Variants in ABCC12 observed in about 807,000 individuals in gnomAD.
The protein encoded by ABCC12 is ATP binding cassette subfamily C member 12, also known as ATP-binding cassette sub-family C member 12.
Under a neutral mutation model 151.1 loss-of-function variants are expected in ABCC12, and 142 were observed. That is an observed-to-expected ratio of 0.94 (90% CI 0.82 to 1.08). ABCC12 has a LOEUF of 1.08. Ranked by LOEUF, ABCC12 falls within the 50% of genes least tolerant of loss-of-function variation. The pLI is 0.00. For synonymous variants in ABCC12, 645 were observed against 646.4 expected (o/e 1.00, Z 0.03); for missense variants, 1,638 against 1,691.1 (o/e 0.97, Z 0.55).
intron 23 of ABCC12, among the ~76,000 whole-genome samples, chr16:48,099,703 C>G (rs1168614805): frequency 6.6e-6 from 1 of 152,174 alleles, no homozygotes; most frequent in South Asian, 2.1e-4. Context: ...CCATAAAATC[C>G]CCCTGGGTCC....
chr16:48,111,584 T>C lies in ABCC12; in HGVS notation c.2203A>G (p.Ile735Val). ...SPAEREEDAG[I>V]IVLAPGNEKD... ...ACAGGGATGGGATTCTAACCGATTA[T>C]ACCAGCATCTTCCTCTCTCTCAGCA... Residue 735 changes from isoleucine (I) to valine (V), a missense_variant, in exon 17 of 31, where the codon ATA becomes GTA. Physicochemically the swap from Ile to Val is conservative, Grantham distance 29. Coordinates refer to ENST00000311303, the MANE Select transcript of ABCC12 (RefSeq NM_001393797.1). 6.2e-7 allele frequency: 1 copy of C among 1,614,214 alleles called. No individual in the cohort carries two copies. The highest frequency in any genetic ancestry group is 8.5e-7 in the Non-Finnish European group (1 of 1,180,036).
chr16:48,101,193 G>A (rs953014464), intron 22 of ABCC12, among the ~76,000 whole-genome samples, 184 bp from the exon 23 acceptor site: 2 of 152,204 alleles, frequency 1.3e-5, no homozygotes, highest in Non-Finnish European at 1.5e-5. Context: ...TGGGAATGGC[G>A]GAGGCGTGAG....
chr16:48,139,094 C>A, intron 7 of ABCC12, 69 bp downstream of exon 7: 1 of 1,487,508 alleles, frequency 6.7e-7, no homozygotes, highest in South Asian at 1.4e-5. Flanking sequence ...TGCAGCCTTC[C>A]ACCCAATTCA....
At chr16:48,125,461 A>C (rs1203357562) in intron 11 of ABCC12, among the ~76,000 whole-genome samples, 1 of 152,224 alleles carries the variant, frequency 6.6e-6, no homozygotes, top group African/African-American at 2.4e-5. Flanking sequence ...AAACACTTAG[A>C]GGTCCAGGGC....
At chr16:48,113,707 C>CA (rs1452415404) in intron 15 of ABCC12, among the ~76,000 whole-genome samples, 1 of 152,138 alleles carries the variant, frequency 6.6e-6, no homozygotes, top group African/African-American at 2.4e-5. Context: ...TTCCAACTTG[C>CA]AAAAAGTTGG....
chr16:48,154,708 A>AT (rs1965161120), intron 1 of ABCC12, among the ~76,000 whole-genome samples: 1 of 152,188 alleles, frequency 6.6e-6, no homozygotes, highest in East Asian at 1.9e-4. Context: ...TTGCTCTGTT[A>AT]TATTTCATTT....
chr16:48,100,020 C>T (rs1209290951), intron 23 of ABCC12, among the ~76,000 whole-genome samples: 1 of 150,710 alleles, frequency 6.6e-6, no homozygotes, highest in Non-Finnish European at 1.5e-5. Context: ...AGAGCAGTAG[C>T]ACAATCTCAG....
intron 2 of ABCC12, among the ~76,000 whole-genome samples, chr16:48,152,236 A>G (rs374342804): frequency 1.3e-5 from 2 of 152,216 alleles, no homozygotes; most frequent in South Asian, 2.1e-4. Context: ...GAGGGAGGCT[A>G]TCCACTGCAG....
At chr16:48,147,591 T>C (rs564112422) in intron 2 of ABCC12, among the ~76,000 whole-genome samples, 2 of 152,190 alleles carry the variant, frequency 1.3e-5, no homozygotes, top group African/African-American at 2.4e-5. Flanking sequence ...TTTCTCATTA[T>C]ACAGAAGAGG....
intron 9 of ABCC12, among the ~76,000 whole-genome samples, chr16:48,132,137 T>G (rs1964447418): frequency 6.6e-6 from 1 of 152,226 alleles, no homozygotes; most frequent in Non-Finnish European, 1.5e-5. Context: ...TTGATTTGCT[T>G]GATATGTTGC....
intron 13 of ABCC12, among the ~76,000 whole-genome samples, chr16:48,118,057 C>A (rs1963948481): frequency 6.6e-6 from 1 of 152,164 alleles, no homozygotes; most frequent in South Asian, 2.1e-4. Flanking sequence ...GGGAGTTTGA[C>A]AGCCGAGGCC....
chr16:48,107,200 A>G, intron 20 of ABCC12, 122 bp downstream of exon 20: 2 of 924,322 alleles, frequency 2.2e-6, no homozygotes, highest in Non-Finnish European at 3.5e-6. Context: ...CCACTTCTTG[A>G]AAAGGGCAGA....
intron 8 of ABCC12, among the ~76,000 whole-genome samples, chr16:48,136,016 A>C (rs1260002564): frequency 2.6e-5 from 4 of 151,906 alleles, no homozygotes; most frequent in Non-Finnish European, 5.9e-5. Flanking sequence ...TTCTCATAAG[A>C]TCGTCCTCAC....
chr16:48,121,592 GAAT>G, intron 13 of ABCC12, 121 bp downstream of exon 13: 2 of 1,282,002 alleles, frequency 1.6e-6, no homozygotes, highest in Admixed American at 4.4e-5. Flanking sequence ...TGGATCTGAT[GAAT>G]GTTTAATCAG....
At chr16:48,096,617 C>T in intron 24 of ABCC12, 129 bp downstream of exon 24, 3 of 932,978 alleles carry the variant, frequency 3.2e-6, no homozygotes, top group South Asian at 1.6e-5. Flanking sequence ...TGATGTGAGC[C>T]ACTAAGCTCC....
At position 48,083,607 on chromosome 16, in the gene ABCC12, G is replaced by A; in HGVS notation, c.*108C>T. The A allele has an allele frequency of 9.0e-7, 1 of 1,116,218 alleles. No homozygotes were observed. Among genetic ancestry groups the A allele is most frequent in the Non-Finnish European group, 1.3e-6 (1 of 764,716 alleles). The allele number at this position is 1,116,218 out of a possible 1,614,324, so 69.1% of individuals were successfully genotyped here. A position where few individuals can be genotyped will look rare whatever the true frequency, so the allele number is the denominator to read the frequency against. On this transcript the variant is annotated 3_prime_UTR_variant, in exon 31 of 31. Transcript: ENST00000311303. ...CCCCAGCTCACTCCGTGGATGGGAG[G>A]GGCTGAAGACCAGGGCTGCCTGCGG...
rs1489037155 is a variant in ABCC12 at position 48,128,419 on chromosome 16, G to A, written c.1515+40C>T. On this transcript the variant is annotated intron_variant, in intron 11 of 30. Transcript: ENST00000311303. ...GAAGGCTGTAGCTATGTAATGCAAG[G>A]AGGAGGGCTGGAGGCCACACCTGTG... 4 of 1,604,360 alleles carry A rather than the reference G, an allele frequency of 2.5e-6. No individual in the cohort carries two copies. In the South Asian group the frequency reaches 4.5e-5, roughly 18 times the overall value.
At chr16:48,147,217 A>T (rs1965033710) in intron 2 of ABCC12, among the ~76,000 whole-genome samples, 1 of 151,944 alleles carries the variant, frequency 6.6e-6, no homozygotes, top group Admixed American at 6.6e-5. Context: ...CAAGCCAGCC[A>T]CCCCATCCTC....
At chr16:48,093,809 G>T (rs1962997978) in intron 24 of ABCC12, among the ~76,000 whole-genome samples, 1 of 152,218 alleles carries the variant, frequency 6.6e-6, no homozygotes, top group African/African-American at 2.4e-5. Context: ...AAGGCACAGT[G>T]CTGGCCCCAG....
Sources: allele counts gnomAD v4.1 joint callset (sites outside exome capture counted in the v4.1 genomes callset), GRCh38; gene constraint gnomAD v4.1.1; transcripts MANE v1.5; gene names NCBI Gene and HGNC (gene_info 2026-07-23, HGNC 2026-07-21).